The following TMEFF2 variants were observed in gnomAD, a reference collection of about 807,000 sequenced individuals.
TMEFF2 encodes transmembrane protein with EGF like and two follistatin like domains 2, also known as tomoregulin-2.
In TMEFF2, 28 loss-of-function variants were observed where a neutral mutation model predicts 53.8. That is an observed-to-expected ratio of 0.52 (90% confidence interval 0.39 to 0.71). The LOEUF (loss-of-function observed/expected upper bound fraction) is 0.71, where lower values mean the gene tolerates loss of function less well. TMEFF2 is among the 30% of genes least tolerant of loss of function. The pLI is 0.00. For synonymous variants in TMEFF2, 162 were observed against 166.3 expected, an observed-to-expected ratio of 0.97 and a Z score of 0.20; for missense variants, 353 against 455.2, an observed-to-expected ratio of 0.78 and a Z score of 2.04.
chr2:192,092,804 A>G (rs548336047), intron 4 of TMEFF2, among the ~76,000 whole-genome samples: 1 of 152,178 alleles, frequency 6.6e-6, no homozygotes, highest in African/African-American at 2.4e-5. Flanking sequence ...AGGGCTATGA[A>G]CCAAGGAATG....
intron 5 of TMEFF2, among the ~76,000 whole-genome samples, chr2:192,050,637 G>C (rs1227032402): frequency 6.6e-6 from 1 of 152,100 alleles, no homozygotes; most frequent in African/African-American, 2.4e-5. Flanking sequence ...CTACTGCAGA[G>C]AGAAGTTTGG....
intron 4 of TMEFF2, among the ~76,000 whole-genome samples, chr2:192,120,741 A>G (rs1422249853): frequency 6.9e-6 from 1 of 145,292 alleles, no homozygotes; most frequent in Non-Finnish European, 1.5e-5. Flanking sequence ...TTGAATAAAC[A>G]TTTTTTTTTT....
At chr2:192,185,855 A>T (rs921747549) in intron 2 of TMEFF2, among the ~76,000 whole-genome samples, 1 of 152,116 alleles carries the variant, frequency 6.6e-6, no homozygotes, top group Non-Finnish European at 1.5e-5. Context: ...GCCTAATTCT[A>T]TAAGTTTTAC....
intron 4 of TMEFF2, among the ~76,000 whole-genome samples, chr2:192,156,764 T>C (rs191945245): frequency 6.6e-6 from 1 of 152,162 alleles, no homozygotes; most frequent in Admixed American, 6.6e-5. Flanking sequence ...CTCTCACCTG[T>C]AAGCCAGCAT....
intron 4 of TMEFF2, among the ~76,000 whole-genome samples, chr2:192,058,768 T>G (rs1220815334): frequency 6.6e-6 from 1 of 152,148 alleles, no homozygotes; most frequent in African/African-American, 2.4e-5. Context: ...TAAAAACAGA[T>G]GTTTAAATCA....
At chr2:192,181,217 T>C (rs1691176393) in intron 3 of TMEFF2, among the ~76,000 whole-genome samples, 1 of 151,802 alleles carries the variant, frequency 6.6e-6, no homozygotes, top group Non-Finnish European at 1.5e-5. Context: ...GTGCTTTTTG[T>C]ATACTTTCAC....
At chr2:192,190,461 G>A (rs773540164) in intron 2 of TMEFF2, among the ~76,000 whole-genome samples, 7 of 152,070 alleles carry the variant, frequency 4.6e-5, no homozygotes, top group Non-Finnish European at 7.4e-5. Context: ...ATGAATTGGG[G>A]AGTTCTCATA....
intron 2 of TMEFF2, among the ~76,000 whole-genome samples, chr2:192,190,634 A>T (rs1320131207): frequency 6.6e-6 from 1 of 152,186 alleles, no homozygotes; most frequent in East Asian, 1.9e-4. Context: ...CTACTTACCC[A>T]CCAGGAGGTG....
chr2:192,087,728 C>A (rs758780961), intron 4 of TMEFF2, among the ~76,000 whole-genome samples: 1 of 152,122 alleles, frequency 6.6e-6, no homozygotes, highest in African/African-American at 2.4e-5. Context: ...GGGTGTGACA[C>A]TGACAAATGC....
intron 4 of TMEFF2, among the ~76,000 whole-genome samples, chr2:192,175,603 TA>T (rs1485456247): frequency 1.3e-5 from 2 of 151,508 alleles, no homozygotes; most frequent in African/African-American, 4.8e-5. Context: ...AGAATTATCT[TA>T]AAATTGTATA....
chr2:192,044,552 A>G (rs1364048225), intron 5 of TMEFF2: 1 of 152,158 alleles, frequency 6.6e-6, no homozygotes, highest in Non-Finnish European at 1.5e-5. Context: ...ACTAGTTTTC[A>G]GTGAGGCCCA....
intron 5 of TMEFF2, among the ~76,000 whole-genome samples, chr2:192,002,248 G>C (rs906919410): frequency 2.0e-5 from 3 of 152,112 alleles, no homozygotes; most frequent in Non-Finnish European, 4.4e-5. Flanking sequence ...CTCAGCCCAA[G>C]AGGAGGACAT....
chr2:192,001,946 T>C (rs1305042510), intron 5 of TMEFF2, among the ~76,000 whole-genome samples: 1 of 152,150 alleles, frequency 6.6e-6, no homozygotes, highest in African/African-American at 2.4e-5. Context: ...CACTGAAAAA[T>C]TCACTTAAGC....
At chr2:192,005,884 G>A (rs1325675104) in intron 5 of TMEFF2, among the ~76,000 whole-genome samples, 3 of 152,094 alleles carry the variant, frequency 2.0e-5, no homozygotes, top group Non-Finnish European at 2.9e-5. Flanking sequence ...TTGATTATAA[G>A]TATTTTATCT....
chr2:192,102,538 T>A (rs1016540557), intron 4 of TMEFF2, among the ~76,000 whole-genome samples: 2 of 151,992 alleles, frequency 1.3e-5, no homozygotes, highest in Non-Finnish European at 2.9e-5. Context: ...GCTCTGCTCC[T>A]AGATATCTCC....
chr2:192,084,490 A>G (rs1688622614), intron 4 of TMEFF2, among the ~76,000 whole-genome samples: 1 of 152,208 alleles, frequency 6.6e-6, no homozygotes, highest in Admixed American at 6.5e-5. Context: ...ATTTTTTAAA[A>G]AGAAGAACGG....
At chr2:192,093,087 T>C (rs898861785) in intron 4 of TMEFF2, among the ~76,000 whole-genome samples, 3 of 152,198 alleles carry the variant, frequency 2.0e-5, no homozygotes, top group Admixed American at 1.3e-4. Context: ...TGGCCTTTGT[T>C]GGGCAGATGC....
intron 7 of TMEFF2, among the ~76,000 whole-genome samples, chr2:191,963,485 G>A (rs775747674): frequency 2.0e-5 from 3 of 152,168 alleles, no homozygotes; most frequent in African/African-American, 4.8e-5. Flanking sequence ...TGTAGGCTGC[G>A]TGTGCAGAAA....
At chr2:192,147,820 CT>C (rs571925529) in intron 4 of TMEFF2, among the ~76,000 whole-genome samples, 54 of 152,014 alleles carry the variant, frequency 3.6e-4, no homozygotes, top group African/African-American at 1.2e-3. Context: ...ATGCAGTTTG[CT>C]TTTTTTCCCC....
Sources: allele counts gnomAD v4.1 joint callset (sites outside exome capture counted in the v4.1 genomes callset), GRCh38; gene constraint gnomAD v4.1.1; transcripts MANE v1.5; gene names NCBI Gene and HGNC (gene_info 2026-07-23, HGNC 2026-07-21).